The following MAPKAP1 variants were observed in gnomAD, a reference collection of about 807,000 sequenced individuals.
MAPKAP1 encodes the protein target of rapamycin complex 2 subunit MAPKAP1.
A neutral mutation model predicts 65.7 loss-of-function variants in MAPKAP1; 20 were observed. The observed-to-expected ratio is 0.30, with a 90% CI of 0.21 to 0.44. The LOEUF is 0.44. Ranked by LOEUF, MAPKAP1 falls within the 20% of genes least tolerant of loss-of-function variation. The pLI, the probability that MAPKAP1 is intolerant of heterozygous loss-of-function variation, is 1.00. For missense variants in MAPKAP1, 423 were observed against 648.0 expected, an observed-to-expected ratio of 0.65 and a Z score of 3.77; for synonymous variants, 222 against 244.3, an observed-to-expected ratio of 0.91 and a Z score of 0.85.
intron 4 of MAPKAP1, among the ~76,000 whole-genome samples, chr9:125,621,397 T>C (rs1236602104): frequency 6.6e-6 from 1 of 152,246 alleles, no homozygotes; most frequent in Non-Finnish European, 1.5e-5. Context: ...ATATTATTAC[T>C]AACCCTAGCC....
chr9:125,596,075 G>A (rs946553288), intron 4 of MAPKAP1: 10 of 1,103,264 alleles, frequency 9.1e-6, no homozygotes, highest in African/African-American at 4.6e-5. Flanking sequence ...TTGAAATCAC[G>A]ACTGACCGAG....
chr9:125,601,373 TA>T (rs35885408), intron 4 of MAPKAP1, among the ~76,000 whole-genome samples: 75,242 of 151,918 alleles, frequency 0.5, 19,284 homozygotes, highest in East Asian at 0.67. Context: ...ATAAAAATTT[TA>T]AACGTCACTA....
At chr9:125,563,533 T>A (rs1187996814) in intron 5 of MAPKAP1, among the ~76,000 whole-genome samples, 1 of 152,188 alleles carries the variant, frequency 6.6e-6, no homozygotes, top group East Asian at 1.9e-4. Flanking sequence ...ATCATATTGC[T>A]TTTTCCTATT....
chr9:125,643,058 T>C (rs948561193), intron 4 of MAPKAP1, among the ~76,000 whole-genome samples: 1 of 151,504 alleles, frequency 6.6e-6, no homozygotes, highest in African/African-American at 2.4e-5. Flanking sequence ...TGCCACCACG[T>C]CTGGCTAATT....
chr9:125,492,777 C>G (rs1460485598), intron 8 of MAPKAP1, among the ~76,000 whole-genome samples: 2 of 152,202 alleles, frequency 1.3e-5, no homozygotes, highest in Non-Finnish European at 2.9e-5. Flanking sequence ...CTAAAAAGAT[C>G]TATGCCAACT....
At position 125,704,893 on chromosome 9, in the gene MAPKAP1, G is replaced by C. The variant is rs569610125; in HGVS notation, c.-70+2078C>G. ...ATAAATATTCACAACACTCCATGTG[G>C]TCAATATTATTCCCTAACCCAACCC... On this transcript the variant is annotated intron_variant, in intron 1 of 11. Transcript: ENST00000265960. 2.0e-5 allele frequency among the ~76,000 whole-genome samples: 3 copies of C among 152,258 alleles called. No homozygotes were observed. In the South Asian group the frequency reaches 6.2e-4, roughly 32 times the overall value.
At chr9:125,584,774 C>G (rs759271818) in intron 5 of MAPKAP1, among the ~76,000 whole-genome samples, 19 of 152,120 alleles carry the variant, frequency 1.2e-4, no homozygotes, top group Non-Finnish European at 2.1e-4. Context: ...TTGCTGTGTT[C>G]TAAACCCTAC....
chr9:125,549,386 T>C (rs1179098845), intron 6 of MAPKAP1, among the ~76,000 whole-genome samples: 1 of 152,110 alleles, frequency 6.6e-6, no homozygotes, highest in African/African-American at 2.4e-5. Context: ...AAAATGAAAA[T>C]ATATGAGCAA....
chr9:125,620,458 C>G (rs945758849), intron 4 of MAPKAP1, among the ~76,000 whole-genome samples: 1 of 152,182 alleles, frequency 6.6e-6, no homozygotes, highest in East Asian at 1.9e-4. Context: ...GCAATACTTA[C>G]AAAAATTACA....
intron 7 of MAPKAP1, among the ~76,000 whole-genome samples, chr9:125,511,001 G>C (rs1398575818): frequency 6.6e-6 from 1 of 152,088 alleles, no homozygotes; most frequent in Non-Finnish European, 1.5e-5. Context: ...GTATGACTTT[G>C]GGCCAACTTA....
At chr9:125,647,325 T>C (rs1292630118) in intron 4 of MAPKAP1, among the ~76,000 whole-genome samples, 1 of 152,186 alleles carries the variant, frequency 6.6e-6, no homozygotes, top group East Asian at 1.9e-4. Flanking sequence ...ATAATGACAT[T>C]TGAAATTTAT....
intron 4 of MAPKAP1, among the ~76,000 whole-genome samples, chr9:125,632,221 CAAAGAAA>C (rs1339840461): frequency 2.9e-4 from 2 of 6,902 alleles, no homozygotes; most frequent in Non-Finnish European, 8.6e-4. Context: ...GACTCCGTCT[CAAAGAAA>C]AAAAAAAAAG....
intron 5 of MAPKAP1, among the ~76,000 whole-genome samples, chr9:125,577,007 G>A (rs1334904054): frequency 6.6e-6 from 1 of 151,414 alleles, no homozygotes; most frequent in African/African-American, 2.4e-5. Flanking sequence ...GAGCCCCTCT[G>A]CCTGGCTGCC....
chr9:125,657,447 C>T (rs1248709904), intron 4 of MAPKAP1, among the ~76,000 whole-genome samples: 6 of 151,990 alleles, frequency 3.9e-5, no homozygotes, highest in Non-Finnish European at 8.8e-5. Flanking sequence ...TGTTTTAATC[C>T]TCCCAAATAT....
intron 4 of MAPKAP1, among the ~76,000 whole-genome samples, chr9:125,623,011 C>A (rs866696215): frequency 2.6e-5 from 4 of 151,904 alleles, no homozygotes; most frequent in Admixed American, 6.5e-5. Context: ...TTGGCCGGGC[C>A]GGTCTCCAGC....
At chr9:125,609,046 G>C (rs181008876) in intron 4 of MAPKAP1, among the ~76,000 whole-genome samples, 1 of 152,168 alleles carries the variant, frequency 6.6e-6, no homozygotes, top group Non-Finnish European at 1.5e-5. Context: ...AAGAGGGAGA[G>C]AAAAAAACCT....
intron 1 of MAPKAP1, among the ~76,000 whole-genome samples, chr9:125,685,119 G>A (rs1834936806): frequency 6.6e-6 from 1 of 152,196 alleles, no homozygotes; most frequent in Admixed American, 6.5e-5. Flanking sequence ...TATGTGCCAG[G>A]CACTGTTCTA....
At chr9:125,621,244 C>T (rs1564586715) in intron 4 of MAPKAP1, among the ~76,000 whole-genome samples, 1 of 151,994 alleles carries the variant, frequency 6.6e-6, no homozygotes, top group Non-Finnish European at 1.5e-5. Flanking sequence ...TGCACTCCAG[C>T]CTGGGAGCCA....
At chr9:125,453,130 T>TA (rs1853020678) in intron 10 of MAPKAP1, among the ~76,000 whole-genome samples, 1 of 152,230 alleles carries the variant, frequency 6.6e-6, no homozygotes, top group African/African-American at 2.4e-5. Context: ...TGATCTTGAC[T>TA]CACTGCAACC....
Sources: gnomAD v4.1 joint callset for allele counts (sites outside exome capture counted in the v4.1 genomes callset) on GRCh38, gnomAD v4.1.1 for gene constraint, MANE v1.5 for transcripts, NCBI Gene and HGNC (gene_info 2026-07-23, HGNC 2026-07-21) for gene names.